PCNT: variants seen among roughly 807,000 people sequenced by gnomAD.
PCNT encodes kendrin.
Under a neutral mutation model 380.4 loss-of-function variants are expected in PCNT, and 319 were observed. The observed-to-expected ratio is 0.84, with a 90% confidence interval of 0.77 to 0.92. The LOEUF is 0.92. PCNT is among the 40% of genes least tolerant of loss of function. PCNT has a pLI of 0.00. For missense variants in PCNT, 4,400 were observed against 4,255.3 expected, an observed-to-expected ratio of 1.03 and a Z score of -0.95; for synonymous variants, 1,845 against 1,735.2, an observed-to-expected ratio of 1.06 and a Z score of -1.57.
chr21:46,412,215 C>T (rs942834898), intron 28 of PCNT, 148 bp downstream of exon 28: 19 of 915,934 alleles, frequency 2.1e-5, no homozygotes, highest in East Asian at 5.3e-5. Context: ...GCCTGAAGCT[C>T]GGGCCAGCCT....
rs1265122644 is a variant in PCNT at position 46,403,938 on chromosome 21, G to A, written c.5115+1455G>A. 3.6e-4 allele frequency among the ~76,000 whole-genome samples: 48 copies of A among 132,772 alleles called. 2 individuals are homozygous for A. The highest frequency in any genetic ancestry group is 1.6e-3 in the Admixed American group (21 of 12,912). The allele number at this position is 132,772 out of a possible 152,430, so 87.1% of individuals were successfully genotyped here. A position where few individuals can be genotyped will look rare whatever the true frequency, so the allele number is the denominator to read the frequency against. On this transcript the variant is annotated intron_variant, in intron 27 of 46. Transcript: ENST00000359568. Reference sequence around the variant, plus strand: ...TGTGGTGCCCACGCGGCGCGTGCTCGGTGAATGAACACAGCGTGGGAGAAT... The same window carrying A: ...TGTGGTGCCCACGCGGCGCGTGCTCAGTGAATGAACACAGCGTGGGAGAAT...
chr21:46,393,525 C>T (rs2147341577), intron 21 of PCNT, among the ~76,000 whole-genome samples: 1 of 152,230 alleles, frequency 6.6e-6, no homozygotes, highest in African/African-American at 2.4e-5. Flanking sequence ...CCCAGCCAGC[C>T]GGCGCTGGGC....
At position 46,430,218 on chromosome 21, in the gene PCNT, G is replaced by T; in HGVS notation, c.7899G>T (p.Glu2633Asp). The change falls in exon 36 of 47, where the codon GAG becomes GAT. Residue 2633 changes from glutamate to aspartate, a missense_variant. By Grantham distance (45) the Glu-to-Asp change is conservative. Transcript: ENST00000359568. ...LSRSLCEVQQ[E>D]VLQLRSMLSS... ...GGTCCCTCTGCGAGGTGCAGCAGGA[G>T]GTCCTCCAGCTGAGGTGCGCCTGAT... 1 of 1,613,402 alleles carries T rather than the reference G, an allele frequency of 6.2e-7. No individual in the cohort carries two copies. Among genetic ancestry groups the T allele is most frequent in the Non-Finnish European group, 8.5e-7 (1 of 1,179,874 alleles).
At chr21:46,409,638 C>T (rs980645214) in intron 27 of PCNT, among the ~76,000 whole-genome samples, 14 of 152,174 alleles carry the variant, frequency 9.2e-5, no homozygotes, top group South Asian at 8.3e-4. Context: ...CTTGCTCTGT[C>T]GCCCAGGCTG....
At chr21:46,375,867 C>G (rs1358177629) in intron 15 of PCNT, among the ~76,000 whole-genome samples, 1 of 152,214 alleles carries the variant, frequency 6.6e-6, no homozygotes, top group Non-Finnish European at 1.5e-5. Flanking sequence ...CAGGACAGGG[C>G]CAAGCGTGGA....
rs1025728486 is a variant in PCNT at position 46,425,821 on chromosome 21, C to G, written c.7180-10C>G. 3.7e-6 allele frequency: 6 copies of G among 1,613,190 alleles called. No homozygotes were observed. Among genetic ancestry groups the G allele is most frequent in the East Asian group, 2.2e-5 (1 of 44,864 alleles). Reference sequence around the variant, plus strand: ...AGGCAACTCCCTTCTGACGCGCTTTCCCGCCACAGGCTTTACTGCAGATGG... The same window carrying G: ...AGGCAACTCCCTTCTGACGCGCTTTGCCGCCACAGGCTTTACTGCAGATGG... On this transcript the variant is annotated splice_polypyrimidine_tract_variant and intron_variant, in intron 32 of 46. Transcript: ENST00000359568. The surrounding 1 kb of genome is among the most constrained non-coding windows in gnomAD (Gnocchi z 4.2).
rs11331073 is a variant in PCNT at position 46,398,820 on chromosome 21, C to CT, written c.4584+582dup. On this transcript the variant is annotated intron_variant, in intron 24 of 46. Transcript: ENST00000359568. ...TATTCCATTCTTTTTTTTTCTTTTT[C>CT]TTTTTTTTTTTTTTTTTGAGTTGGA... Among the ~76,000 whole-genome samples, 989 of 114,542 alleles carry CT rather than the reference C, an allele frequency of 8.6e-3. 9 individuals carry two copies. Among genetic ancestry groups the CT allele is most frequent in the African/African-American group, 0.027 (829 of 30,818 alleles). The allele number at this position is 114,542 out of a possible 152,430, so 75.1% of individuals were successfully genotyped here. A position where few individuals can be genotyped will look rare whatever the true frequency, so the allele number is the denominator to read the frequency against.
Position 46,375,147 on chromosome 21 carries a change from A to G in PCNT, c.3166-6547A>G, listed in dbSNP as rs558295042. 2.0e-5 allele frequency among the ~76,000 whole-genome samples: 3 copies of G among 152,278 alleles called. No homozygotes were observed. The South Asian group carries it at 6.2e-4, about 32-fold the overall frequency. ...TCTTTTTGATAGAAGTATGTATCCC[A>G]TAAGATTCCCCTGCCCTGCCCTGCC... On this transcript the variant is annotated intron_variant, in intron 15 of 46. Coordinates refer to ENST00000359568, the MANE Select transcript of PCNT (RefSeq NM_006031.6).
intron 33 of PCNT, among the ~76,000 whole-genome samples, chr21:46,426,434 C>T (rs555750025): frequency 4.6e-5 from 7 of 152,198 alleles, no homozygotes; most frequent in East Asian, 1.9e-4. Context: ...AGGTTCCCTG[C>T]GGGACGTGGA....
intron 13 of PCNT, among the ~76,000 whole-genome samples, chr21:46,360,956 G>T (rs1403752394): frequency 6.6e-6 from 1 of 152,162 alleles, no homozygotes; most frequent in African/African-American, 2.4e-5. Context: ...AGATGCGTCT[G>T]GTGGTCATGG....
At chr21:46,377,041 G>A (rs1453031979) in intron 15 of PCNT, among the ~76,000 whole-genome samples, 1 of 151,956 alleles carries the variant, frequency 6.6e-6, no homozygotes, top group African/African-American at 2.4e-5. Context: ...GGCCGGCGCG[G>A]GGGGCACCCG....
intron 15 of PCNT, among the ~76,000 whole-genome samples, chr21:46,378,114 A>G (rs2085390491): frequency 6.6e-6 from 1 of 151,408 alleles, no homozygotes; most frequent in South Asian, 2.1e-4. Context: ...GCCTTTTTTC[A>G]CTTTAATTTC....
At chr21:46,362,416 G>T (rs1368726680) in intron 13 of PCNT, among the ~76,000 whole-genome samples, 1 of 152,150 alleles carries the variant, frequency 6.6e-6, no homozygotes, top group Non-Finnish European at 1.5e-5. Context: ...TCTGCTTGTG[G>T]ATCTCTCCAC....
chr21:46,352,854 C>T (rs58936150), intron 9 of PCNT, among the ~76,000 whole-genome samples: 1 of 152,122 alleles, frequency 6.6e-6, no homozygotes, highest in Admixed American at 6.5e-5. Context: ...CTGTGCCCCC[C>T]ACATCCCTGC....
rs2086247506 is a variant in PCNT at position 46,397,495 on chromosome 21, G to A, written c.4446+1G>A. ...GCGCAACCAGCGGCAATTCATGGAT[G>A]TAAGAATTCTGAATAATACATTTTT... On this transcript the variant is annotated splice_donor_variant, in intron 22 of 46. Coordinates refer to ENST00000359568, the MANE Select transcript of PCNT (RefSeq NM_006031.6). LOFTEE classifies it high-confidence loss of function. 1 of 1,610,292 alleles carries A rather than the reference G, an allele frequency of 6.2e-7. No homozygotes were observed. Among genetic ancestry groups the A allele is most frequent in the Non-Finnish European group, 8.5e-7 (1 of 1,176,726 alleles).
At chr21:46,333,969 G>A (rs994748491) in intron 2 of PCNT, among the ~76,000 whole-genome samples, 9 of 152,286 alleles carry the variant, frequency 5.9e-5, no homozygotes, top group Non-Finnish European at 1.2e-4. Flanking sequence ...CACTTTGGGA[G>A]GCCAAGGCGG....
rs563975128 is a variant in PCNT at position 46,438,413 on chromosome 21, G to A, written c.9273+76G>A. The A allele has an allele frequency of 6.3e-5, 88 of 1,392,598 alleles. No homozygotes were observed. In the South Asian group the frequency reaches 1.0e-3, roughly 16 times the overall value. The allele number at this position is 1,392,598 out of a possible 1,614,324, so 86.3% of individuals were successfully genotyped here. A position where few individuals can be genotyped will look rare whatever the true frequency, so the allele number is the denominator to read the frequency against. ...CCAGAGCAGCTCCACCCCACAAGAGGCCGGGCTCCCTTTAGGGACCTGGGG... is the reference window on the plus strand; with the variant it reads ...CCAGAGCAGCTCCACCCCACAAGAGACCGGGCTCCCTTTAGGGACCTGGGG... On this transcript the variant is annotated intron_variant, in intron 41 of 46. Transcript: ENST00000359568.
In PCNT at chr21:46,388,252, G is replaced by A. The variant is rs1236223042; in HGVS notation, c.3465-490G>A. Among the ~76,000 whole-genome samples, 6 of 151,478 alleles carry A rather than the reference G, an allele frequency of 4.0e-5. No individual in the cohort carries two copies. Among genetic ancestry groups the A allele is most frequent in the African/African-American group, 1.5e-4 (6 of 41,268 alleles). On this transcript the variant is annotated intron_variant, in intron 17 of 46. Transcript: ENST00000359568. This position sits in a 1 kb window ranked among gnomAD's most constrained non-coding sequence, Gnocchi z 4.2. Reference sequence around the variant, plus strand: ...GAAGCATCCCAGACCGCACGTCCACGAGGCCTAGCGAGAGGCTGGGAGACA... The same window carrying A: ...GAAGCATCCCAGACCGCACGTCCACAAGGCCTAGCGAGAGGCTGGGAGACA...
intron 2 of PCNT, among the ~76,000 whole-genome samples, chr21:46,330,128 T>C (rs1361644044): frequency 6.6e-6 from 1 of 151,762 alleles, no homozygotes; most frequent in African/African-American, 2.4e-5. Context: ...TTTTTCCCCC[T>C]TTTTTTTGAG....
Sources: gnomAD v4.1 joint callset for allele counts (sites outside exome capture counted in the v4.1 genomes callset) on GRCh38, gnomAD v4.1.1 for gene constraint, Gnocchi (gnomAD v3.1) non-coding constraint, MANE v1.5 for transcripts, NCBI Gene and HGNC (gene_info 2026-07-23, HGNC 2026-07-21) for gene names.